Variants in KLHL2 observed in about 807,000 individuals in gnomAD.
The protein encoded by KLHL2 is kelch like family member 2.
In KLHL2, 15 loss-of-function variants were observed where a neutral mutation model predicts 75.8. The ratio of observed to expected loss-of-function variants is 0.20; its 90% CI spans 0.13 to 0.30. KLHL2 has a LOEUF of 0.30. Ranked by LOEUF, KLHL2 falls within the 10% of genes least tolerant of loss-of-function variation. The pLI is 1.00. For missense variants in KLHL2, 381 were observed against 741.0 expected (o/e 0.51, Z 5.64); for synonymous variants, 214 against 251.9 (o/e 0.85, Z 1.42).
intron 9 of KLHL2, among the ~76,000 whole-genome samples, chr4:165,306,354 G>A (rs142234478): frequency 5.9e-5 from 9 of 152,300 alleles, no homozygotes; most frequent in South Asian, 2.1e-4. Context: ...AATAAGAGCT[G>A]TCTAGTGTTT....
intron 9 of KLHL2, among the ~76,000 whole-genome samples, chr4:165,309,933 G>C (rs1746019150): frequency 6.6e-6 from 1 of 152,100 alleles, no homozygotes; most frequent in Non-Finnish European, 1.5e-5. Flanking sequence ...GGTGAGTACA[G>C]GTTCAAGTAG....
In KLHL2 at chr4:165,250,200, A is replaced by G. The variant is rs560326130; in HGVS notation, c.381+11301A>G. On this transcript the variant is annotated intron_variant, in intron 4 of 14. Coordinates refer to ENST00000226725, the MANE Select transcript of KLHL2 (RefSeq NM_007246.4). ...TTATGTTTTGAGCTTTGTTACAGTC[A>G]TATTCCAGATCTGCTCCTCCAACAT... is the stretch of plus-strand genomic sequence containing the variant. 2.6e-3 allele frequency among the ~76,000 whole-genome samples: 401 copies of G among 152,256 alleles called. 4 individuals carry two copies. The highest frequency in any genetic ancestry group is 8.6e-3 in the African/African-American group (356 of 41,554).
At chr4:165,290,603 A>T (rs2126473451) in intron 5 of KLHL2, among the ~76,000 whole-genome samples, 1 of 152,292 alleles carries the variant, frequency 6.6e-6, no homozygotes, top group East Asian at 1.9e-4. Flanking sequence ...CTTCTGGTAA[A>T]GTCAGGAATT....
At position 165,313,280 on chromosome 4, in the gene KLHL2, A is replaced by G; in HGVS notation, c.1382A>G (p.Gln461Arg). ...AVGGYDGASR[Q>R]CLSTVECYNA... ...GGAGGTTATGATGGAGCATCACGTC[A>G]GTGTCTTAGCACAGTAGAATGCTAT... Residue 461 changes from glutamine (Q) to arginine (R), a missense_variant, in exon 12 of 15, where the codon CAG becomes CGG. Physicochemically the swap from Gln to Arg is conservative, Grantham distance 43. This residue lies in a region of KLHL2 where 168 missense variants were observed against 370.4 expected (regional missense o/e 0.45). Coordinates refer to ENST00000226725, the MANE Select transcript of KLHL2 (RefSeq NM_007246.4). 6.2e-7 allele frequency: 1 copy of G among 1,610,670 alleles called. No homozygotes were observed. The highest frequency in any genetic ancestry group is 8.5e-7 in the Non-Finnish European group (1 of 1,178,486).
chr4:165,298,763 C>T (rs1180110133), intron 7 of KLHL2, among the ~76,000 whole-genome samples: 1 of 151,980 alleles, frequency 6.6e-6, no homozygotes, highest in Non-Finnish European at 1.5e-5. Context: ...TGGTGAATCC[C>T]CGTCTCTACT....
At chr4:165,314,563 T>A (rs1222478779) in intron 13 of KLHL2, among the ~76,000 whole-genome samples, 1 of 152,184 alleles carries the variant, frequency 6.6e-6, no homozygotes, top group Non-Finnish European at 1.5e-5. Flanking sequence ...GGAAATTTAG[T>A]CTAGTTGAGT....
chr4:165,268,498 T>C (rs1331035474), intron 5 of KLHL2, among the ~76,000 whole-genome samples: 1 of 152,226 alleles, frequency 6.6e-6, no homozygotes, highest in Non-Finnish European at 1.5e-5. Context: ...GTCCCAGAGA[T>C]TCTGGTACAT....
intron 4 of KLHL2, among the ~76,000 whole-genome samples, chr4:165,258,125 G>C (rs1488270298): frequency 6.6e-6 from 1 of 152,190 alleles, no homozygotes; most frequent in Non-Finnish European, 1.5e-5. Context: ...CCTAGAGGCA[G>C]ATGTACCCAA....
chr4:165,307,695 A>T (rs879077321), intron 9 of KLHL2, among the ~76,000 whole-genome samples: 2 of 152,140 alleles, frequency 1.3e-5, no homozygotes, highest in Non-Finnish European at 2.9e-5. Flanking sequence ...CCATGGTTAA[A>T]TTGACTTAGT....
chr4:165,275,299 C>T (rs1742998360), intron 5 of KLHL2, among the ~76,000 whole-genome samples: 1 of 152,068 alleles, frequency 6.6e-6, no homozygotes, highest in East Asian at 1.9e-4. Context: ...TTTCTCAAAT[C>T]ATTAGCACCT....
intron 6 of KLHL2, among the ~76,000 whole-genome samples, chr4:165,295,738 C>A (rs1744860833): frequency 6.6e-6 from 1 of 151,966 alleles, no homozygotes; most frequent in African/African-American, 2.4e-5. Context: ...GTAGAAGAAG[C>A]AGAATATACA....
chr4:165,317,659 C>G (rs1746684026), intron 13 of KLHL2, among the ~76,000 whole-genome samples, 167 bp from the exon 14 acceptor site: 1 of 152,218 alleles, frequency 6.6e-6, no homozygotes, highest in African/African-American at 2.4e-5. Context: ...GCCATGGTGC[C>G]TGGCTATCCT....
At chr4:165,268,771 G>C (rs1262335502) in intron 5 of KLHL2, among the ~76,000 whole-genome samples, 1 of 152,194 alleles carries the variant, frequency 6.6e-6, no homozygotes, top group Admixed American at 6.5e-5. Flanking sequence ...ATGTGGTGCT[G>C]AGAAGAATGT....
intron 1 of KLHL2, among the ~76,000 whole-genome samples, chr4:165,215,618 C>T (rs930328476): frequency 2.0e-5 from 3 of 152,096 alleles, no homozygotes; most frequent in Non-Finnish European, 2.9e-5. Flanking sequence ...AAGGGGAGAA[C>T]AGTGATGGTG....
chr4:165,217,219 A>G (rs181808747), intron 1 of KLHL2, among the ~76,000 whole-genome samples: 6 of 152,334 alleles, frequency 3.9e-5, no homozygotes, highest in African/African-American at 9.6e-5. Context: ...TTACCTTGCT[A>G]TCGTATATAG....
rs1295592507 is a variant in KLHL2, at chr4:165,320,351, G to A, written c.1754-1681G>A. On this transcript the variant is annotated intron_variant, in intron 14 of 14. Coordinates refer to ENST00000226725, the MANE Select transcript of KLHL2 (RefSeq NM_007246.4). ...AGTCTTTTGACTGTATAACAAGAAG[G>A]CCTAGACAAGAAATCTTTTCCCGGA... is the stretch of plus-strand genomic sequence containing the variant. Among the ~76,000 whole-genome samples the A allele has an allele frequency of 2.0e-5, 3 of 152,116 alleles. No individual in the cohort carries two copies. The East Asian group carries it at 5.8e-4, about 29-fold the overall frequency.
At chr4:165,312,358 A>G (rs1746269556) in intron 11 of KLHL2, among the ~76,000 whole-genome samples, 1 of 152,150 alleles carries the variant, frequency 6.6e-6, no homozygotes, top group Non-Finnish European at 1.5e-5. Context: ...GGATTGCCAC[A>G]GTTATTTATT....
chr4:165,267,943 G>T (rs1208611572), intron 5 of KLHL2, among the ~76,000 whole-genome samples: 1 of 152,128 alleles, frequency 6.6e-6, no homozygotes, highest in African/African-American at 2.4e-5. Flanking sequence ...TCTGGTCCTG[G>T]ACTTTTTTTG....
chr4:165,225,387 T>C (rs1293882628), intron 2 of KLHL2, among the ~76,000 whole-genome samples: 1 of 152,180 alleles, frequency 6.6e-6, no homozygotes, highest in Non-Finnish European at 1.5e-5. Flanking sequence ...GCTGTTAATC[T>C]TGTTTATTTT....
Sources: allele counts gnomAD v4.1 joint callset (sites outside exome capture counted in the v4.1 genomes callset), GRCh38; gene constraint gnomAD v4.1.1; regional missense constraint gnomAD v4.1.1; transcripts MANE v1.5; gene names NCBI Gene and HGNC (gene_info 2026-07-23, HGNC 2026-07-21).